The following MYT1 variants were observed in gnomAD, a reference collection of about 807,000 sequenced individuals.
The protein encoded by MYT1 is myelin transcription factor I.
A neutral mutation model predicts 123.0 loss-of-function variants in MYT1; 23 were observed. The ratio of observed to expected loss-of-function variants is 0.19; its 90% confidence interval spans 0.13 to 0.26. The LOEUF is 0.26. MYT1 is among the 10% of genes least tolerant of loss of function. The pLI is 1.00. For synonymous variants in MYT1, 518 were observed against 575.3 expected, an observed-to-expected ratio of 0.90 and a Z score of 1.43; for missense variants, 1,125 against 1,472.5, an observed-to-expected ratio of 0.76 and a Z score of 3.86.
Position 64,232,835 on chromosome 20 carries a change from CCT to C in MYT1, c.2897+453_2897+454del, listed in dbSNP as rs1377813273. ...TTATGCCCTGTCCGTCCCATTCATG[CCT>C]CTTCTTTGAACTCTGGGCAGAGACC... On this transcript the variant is annotated intron_variant, in intron 19 of 22. Coordinates refer to ENST00000328439, the MANE Select transcript of MYT1 (RefSeq NM_004535.3). This position sits in a 1 kb window ranked among gnomAD's most constrained non-coding sequence, Gnocchi z 6.9. 9.9e-5 allele frequency among the ~76,000 whole-genome samples: 15 copies of C among 151,932 alleles called. No individual in the cohort carries two copies. The highest frequency in any genetic ancestry group is 3.6e-4 in the African/African-American group (15 of 41,290).
chr20:64,216,530 C>T (rs144085400), intron 10 of MYT1, among the ~76,000 whole-genome samples: 32 of 152,318 alleles, frequency 2.1e-4, no homozygotes, highest in African/African-American at 7.5e-4. Flanking sequence ...GGGCTGAGTC[C>T]CTGGCTGAAT....
At chr20:64,214,488 T>G (rs568992720) in intron 10 of MYT1, among the ~76,000 whole-genome samples, 2 of 152,322 alleles carry the variant, frequency 1.3e-5, no homozygotes, top group African/African-American at 4.8e-5. Context: ...AAGAAGTAAG[T>G]GCCACAAATA....
At chr20:64,172,161 C>T (rs969380579) in intron 1 of MYT1, among the ~76,000 whole-genome samples, 1 of 152,142 alleles carries the variant, frequency 6.6e-6, no homozygotes, top group Non-Finnish European at 1.5e-5. Flanking sequence ...GGGAAATTAC[C>T]ATACACATCC....
chr20:64,215,759 G>T (rs538709900), intron 10 of MYT1, among the ~76,000 whole-genome samples: 26 of 139,988 alleles, frequency 1.9e-4, no homozygotes, highest in East Asian at 1.1e-3. Flanking sequence ...TTTTTTTTGC[G>T]TTTTTTTTTT....
intron 19 of MYT1, among the ~76,000 whole-genome samples, chr20:64,235,725 C>T (rs1984505510): frequency 1.7e-5 from 2 of 120,958 alleles, no homozygotes; most frequent in East Asian, 2.1e-4. Context: ...TGGTGGGTGA[C>T]CCTTGGCTGG....
In MYT1 at chr20:64,212,932, G is replaced by C. The variant is rs1388742815; in HGVS notation, c.1518-602G>C. On this transcript the variant is annotated intron_variant, in intron 9 of 22. Transcript: ENST00000328439. The surrounding 1 kb of genome is among the most constrained non-coding windows in gnomAD (Gnocchi z 6.8). ...TTTGAGGTCACTTCATTTGAAAAGA[G>C]GCCAGTTCCCCATTACGTCACCTCC... Among the ~76,000 whole-genome samples, 2 of 152,180 alleles carry C rather than the reference G, an allele frequency of 1.3e-5. No individual in the cohort carries two copies. Among genetic ancestry groups the C allele is most frequent in the African/African-American group, 2.4e-5 (1 of 41,434 alleles).
At chr20:64,204,986 G>T (rs1414246705) in intron 4 of MYT1, 49 bp from the exon 5 acceptor site, 3 of 1,582,372 alleles carry the variant, frequency 1.9e-6, no homozygotes, top group South Asian at 1.1e-5. Flanking sequence ...CAGGCTCTGA[G>T]ATCTGAGCCC....
In MYT1 at chr20:64,166,586, A is replaced by G. The variant is rs988165522; in HGVS notation, c.-99+1847A>G. On this transcript the variant is annotated intron_variant, in intron 1 of 22. Transcript: ENST00000328439. This position sits in a 1 kb window ranked among gnomAD's most constrained non-coding sequence, Gnocchi z 4.9. ...GGGGGCTGCTTCTGTCCAAAGTGCC[A>G]CTCGAGGGTTTTTGTGACCCTCAGC... Among the ~76,000 whole-genome samples, 9 of 152,030 alleles carry G rather than the reference A, an allele frequency of 5.9e-5. No individual in the cohort carries two copies. The highest frequency in any genetic ancestry group is 2.0e-4 in the Admixed American group (3 of 15,276).
rs558515450 is a variant in MYT1 at position 64,213,491 on chromosome 20, A to T, written c.1518-43A>T. ...CACAGACACCCAGGACAGGACAGGC[A>T]TGGAGGGGAAGGCTCAGAAACCCCT... is the stretch of plus-strand genomic sequence containing the variant. On this transcript the variant is annotated intron_variant, in intron 9 of 22. Transcript: ENST00000328439. This position sits in a 1 kb window ranked among gnomAD's most constrained non-coding sequence, Gnocchi z 5.6. The T allele has an allele frequency of 5.3e-6, 8 of 1,510,052 alleles. No individual in the cohort carries two copies. The highest frequency in any genetic ancestry group is 7.4e-6 in the Non-Finnish European group (8 of 1,087,200). 93.5% of individuals were successfully genotyped at this position (1,510,052 alleles called of 1,614,324 possible).
chr20:64,221,060 G>A (rs184258780), intron 13 of MYT1, among the ~76,000 whole-genome samples: 40 of 152,298 alleles, frequency 2.6e-4, no homozygotes, highest in East Asian at 1.2e-3. Flanking sequence ...CCAATTATCC[G>A]AAGACTGTTA....
chr20:64,195,726 A>T (rs947232531), intron 2 of MYT1, among the ~76,000 whole-genome samples: 1 of 152,180 alleles, frequency 6.6e-6, no homozygotes, highest in Non-Finnish European at 1.5e-5. Flanking sequence ...AAGAGCTTAC[A>T]TGATTAATCC....
At chr20:64,221,056 A>G (rs1983987054) in intron 13 of MYT1, among the ~76,000 whole-genome samples, 1 of 152,174 alleles carries the variant, frequency 6.6e-6, no homozygotes, top group South Asian at 2.1e-4. Flanking sequence ...AGGTCCAATT[A>G]TCCGAAGACT....
At chr20:64,219,206 C>T (rs1983924753) in intron 12 of MYT1, among the ~76,000 whole-genome samples, 171 bp downstream of exon 12, 1 of 152,230 alleles carries the variant, frequency 6.6e-6, no homozygotes, top group Admixed American at 6.5e-5. Flanking sequence ...GACCGCAGAG[C>T]TTGGATGGGT....
intron 1 of MYT1, among the ~76,000 whole-genome samples, chr20:64,170,884 TAGAGAGAGAGAGAGAGAGAGAG>T (rs71197459): frequency 1.0e-4 from 2 of 20,002 alleles, no homozygotes; most frequent in East Asian, 2.5e-3. Context: ...TATATATATA[TAGAGAGAGAGAGAGAGAGAGAG>T]AGAGAGAGAG....
At position 64,166,405 on chromosome 20, in the gene MYT1, C is replaced by A. The variant is rs1429690336; in HGVS notation, c.-99+1666C>A. On this transcript the variant is annotated intron_variant, in intron 1 of 22. Transcript: ENST00000328439. The surrounding 1 kb of genome is among the most constrained non-coding windows in gnomAD (Gnocchi z 4.9). ...CCTGGGCACCTGGACGTTTGCCGAACTTCCCAGGGGTACTTGCTGATCCAG... is the reference window on the plus strand; with the variant it reads ...CCTGGGCACCTGGACGTTTGCCGAAATTCCCAGGGGTACTTGCTGATCCAG... Among the ~76,000 whole-genome samples the A allele has an allele frequency of 7.9e-5, 12 of 152,222 alleles. No homozygotes were observed. Among genetic ancestry groups the A allele is most frequent in the Non-Finnish European group, 8.8e-5 (6 of 68,038 alleles).
intron 1 of MYT1, among the ~76,000 whole-genome samples, chr20:64,178,723 C>T (rs113481651): frequency 2.1e-5 from 3 of 140,186 alleles, no homozygotes; most frequent in African/African-American, 8.1e-5. Context: ...AGCACTGAGC[C>T]GTTATTCGGT....
At chr20:64,200,456 A>G (rs143181616) in intron 4 of MYT1, among the ~76,000 whole-genome samples, 33 of 152,348 alleles carry the variant, frequency 2.2e-4, no homozygotes, top group Non-Finnish European at 4.7e-4. Flanking sequence ...CTTACTGTTC[A>G]GCATACAATT....
intron 18 of MYT1, among the ~76,000 whole-genome samples, chr20:64,229,550 C>T (rs558613086): frequency 6.6e-6 from 1 of 152,320 alleles, no homozygotes; most frequent in South Asian, 2.1e-4. Context: ...GCAGAGGGAA[C>T]CTGACTACTG....
At chr20:64,222,167 C>A in intron 14 of MYT1, 120 bp downstream of exon 14, 1 of 1,085,238 alleles carries the variant, frequency 9.2e-7, no homozygotes, top group Non-Finnish European at 1.3e-6. Context: ...CCTGTCCTGA[C>A]CACCTCGAGC....
Sources: gnomAD v4.1 joint callset for allele counts (sites outside exome capture counted in the v4.1 genomes callset) on GRCh38, gnomAD v4.1.1 for gene constraint, Gnocchi (gnomAD v3.1) non-coding constraint, MANE v1.5 for transcripts, NCBI Gene and HGNC (gene_info 2026-07-23, HGNC 2026-07-21) for gene names.